SBF2: variants seen among roughly 807,000 people sequenced by gnomAD.
SBF2 encodes the protein myotubularin-related protein 13.
Under a neutral mutation model 225.2 loss-of-function variants are expected in SBF2, and 112 were observed. The ratio of observed to expected loss-of-function variants is 0.50; its 90% confidence interval spans 0.43 to 0.58. The LOEUF is 0.58. SBF2 is among the 20% of genes least tolerant of loss of function. The probability of loss-of-function intolerance (pLI) is 0.00; values close to 1 mark genes in which losing one functional copy is unlikely to be tolerated. For synonymous variants in SBF2, 763 were observed against 773.3 expected, an observed-to-expected ratio of 0.99 and a Z score of 0.22; for missense variants, 1,996 against 2,206.2, an observed-to-expected ratio of 0.90 and a Z score of 1.91.
At chr11:10,077,688 G>C (rs114251739) in intron 2 of SBF2, among the ~76,000 whole-genome samples, 404 of 152,270 alleles carry the variant, frequency 2.7e-3, no homozygotes, top group African/African-American at 9.1e-3. Context: ...AAAAATCCTA[G>C]AAGAAAACGT....
At chr11:10,259,608 GAACT>G (rs1961231974) in intron 1 of SBF2, among the ~76,000 whole-genome samples, 1 of 152,036 alleles carries the variant, frequency 6.6e-6, no homozygotes, top group Non-Finnish European at 1.5e-5. Context: ...ACTTTTTATA[GAACT>G]AATAATATTA....
intron 28 of SBF2, among the ~76,000 whole-genome samples, chr11:9,820,016 C>G (rs77182100): frequency 1.4e-3 from 219 of 152,240 alleles, no homozygotes; most frequent in African/African-American, 4.8e-3. Context: ...ACCAAAATGA[C>G]AGGCAGTATT....
intron 2 of SBF2, among the ~76,000 whole-genome samples, chr11:10,151,454 T>C (rs1170180667): frequency 6.6e-6 from 1 of 152,246 alleles, no homozygotes; most frequent in East Asian, 1.9e-4. Context: ...TACTACTGCA[T>C]AGAGCTTATT....
At chr11:9,935,475 C>G (rs1864826855) in intron 16 of SBF2, among the ~76,000 whole-genome samples, 2 of 151,934 alleles carry the variant, frequency 1.3e-5, no homozygotes, top group African/African-American at 4.8e-5. Context: ...CATATGGAAC[C>G]AAAAAAGGAG....
At chr11:9,912,533 G>C (rs1016551308) in intron 16 of SBF2, among the ~76,000 whole-genome samples, 6 of 152,180 alleles carry the variant, frequency 3.9e-5, no homozygotes, top group Non-Finnish European at 7.3e-5. Context: ...AGTGAGCCGA[G>C]ATCACTCCAC....
chr11:9,901,616 C>T (rs1042976566), intron 16 of SBF2, among the ~76,000 whole-genome samples: 1 of 152,142 alleles, frequency 6.6e-6, no homozygotes, highest in Non-Finnish European at 1.5e-5. Context: ...AAGTCATACC[C>T]TATAAACCAT....
chr11:9,808,929 A>G lies in SBF2; in HGVS notation c.4229T>C (p.Leu1410Ser). 6.2e-7 allele frequency: 1 copy of G among 1,613,990 alleles called. No homozygotes were observed. The highest frequency in any genetic ancestry group is 8.5e-7 in the Non-Finnish European group (1 of 1,179,836). The change falls in exon 31 of 40, where the codon TTG becomes TCG. Residue 1410 changes from leucine (L) to serine (S), a missense_variant. Coordinates refer to ENST00000256190, the MANE Select transcript of SBF2 (RefSeq NM_030962.4). ...LENGSSVLVC[L>S]EEGWDITAQV... ...TGCAGTGATGTCCCAGCCTTCCTCC[A>G]AACAGACCAAAACTGAGGAACCATT...
At chr11:10,292,414 G>A (rs1220875755) in intron 1 of SBF2, among the ~76,000 whole-genome samples, 1 of 152,102 alleles carries the variant, frequency 6.6e-6, no homozygotes, top group Non-Finnish European at 1.5e-5. Context: ...GGGCGTGGTG[G>A]CTCAAGCCTG....
At chr11:10,124,760 GA>G (rs1037262873) in intron 2 of SBF2, among the ~76,000 whole-genome samples, 1 of 151,828 alleles carries the variant, frequency 6.6e-6, no homozygotes, top group Non-Finnish European at 1.5e-5. Flanking sequence ...TCTGCACTGT[GA>G]AAAAATAAAA....
chr11:10,160,446 G>A (rs1040068251), intron 2 of SBF2, among the ~76,000 whole-genome samples: 2 of 152,068 alleles, frequency 1.3e-5, no homozygotes, highest in African/African-American at 4.8e-5. Flanking sequence ...CAGAGAAGAG[G>A]CAAAGAGAGG....
At chr11:10,056,424 T>C (rs971529321) in intron 2 of SBF2, among the ~76,000 whole-genome samples, 2 of 152,202 alleles carry the variant, frequency 1.3e-5, no homozygotes, top group African/African-American at 4.8e-5. Flanking sequence ...CTTTGAGCAG[T>C]GATTTGTAAT....
At position 10,075,407 on chromosome 11, in the gene SBF2, G is replaced by A. The variant is rs1470249509; in HGVS notation, c.142-32426C>T. 1.3e-5 allele frequency among the ~76,000 whole-genome samples: 2 copies of A among 152,182 alleles called. 1 individual carries two copies. The highest frequency in any genetic ancestry group is 4.1e-4 in the South Asian group (2 of 4,828). On this transcript the variant is annotated intron_variant, in intron 2 of 39. Coordinates refer to ENST00000256190, the MANE Select transcript of SBF2 (RefSeq NM_030962.4). ...TCTTCACTACTACTGCTATTGCTAT[G>A]TAAGAGAATAATAGGTAGTTGATAT...
chr11:10,014,484 A>C (rs1948569354), intron 6 of SBF2, among the ~76,000 whole-genome samples: 1 of 135,034 alleles, frequency 7.4e-6, no homozygotes, highest in Non-Finnish European at 1.6e-5. Flanking sequence ...AGAGCTTCAG[A>C]ATTGTTTCAG....
At chr11:9,954,883 G>A (rs1866061094) in intron 16 of SBF2, among the ~76,000 whole-genome samples, 1 of 151,996 alleles carries the variant, frequency 6.6e-6, no homozygotes, top group Admixed American at 6.5e-5. Flanking sequence ...ATAGCAAAAA[G>A]CTCCAAAATG....
intron 17 of SBF2, among the ~76,000 whole-genome samples, chr11:9,892,565 ATT>A (rs896169743): frequency 2.9e-5 from 4 of 140,250 alleles, no homozygotes; most frequent in Admixed American, 7.2e-5. Flanking sequence ...TATATATATA[ATT>A]TTTTTTTTTT....
intron 13 of SBF2, among the ~76,000 whole-genome samples, chr11:9,980,879 T>C (rs1946927223): frequency 6.6e-6 from 1 of 152,230 alleles, no homozygotes; most frequent in Admixed American, 6.5e-5. Context: ...ATTTTCTATT[T>C]ACCAAAATTT....
chr11:9,980,289 TAAAAAAAAA>T (rs1170874978), intron 13 of SBF2, among the ~76,000 whole-genome samples: 2 of 105,858 alleles, frequency 1.9e-5, no homozygotes, highest in African/African-American at 7.8e-5. Context: ...CTCTTGTAAT[TAAAAAAAAA>T]AAAAAAAAAA....
intron 8 of SBF2, among the ~76,000 whole-genome samples, chr11:9,999,236 T>TA (rs1210068587): frequency 6.6e-6 from 1 of 152,142 alleles, no homozygotes; most frequent in Non-Finnish European, 1.5e-5. Flanking sequence ...CAGCGACTGT[T>TA]TTTATTTATT....
chr11:9,900,380 C>T (rs951319380), intron 16 of SBF2, among the ~76,000 whole-genome samples: 8 of 152,136 alleles, frequency 5.3e-5, no homozygotes, highest in East Asian at 3.9e-4. Flanking sequence ...CGCCCTGACT[C>T]ATTCCAATTA....
Sources: allele counts gnomAD v4.1 joint callset (sites outside exome capture counted in the v4.1 genomes callset), GRCh38; gene constraint gnomAD v4.1.1; transcripts MANE v1.5; gene names NCBI Gene and HGNC (gene_info 2026-07-23, HGNC 2026-07-21).